The following SORCS1 variants were observed in gnomAD, a reference collection of about 807,000 sequenced individuals.
SORCS1 encodes sortilin related VPS10 domain containing receptor 1.
Under a neutral mutation model 146.1 loss-of-function variants are expected in SORCS1, and 60 were observed. The ratio of observed to expected loss-of-function variants is 0.41; its 90% CI spans 0.33 to 0.51. The LOEUF (loss-of-function observed/expected upper bound fraction) is 0.51. SORCS1 is among the 20% of genes least tolerant of loss of function. The probability of loss-of-function intolerance (pLI) is 0.21; values close to 1 mark genes in which losing one functional copy is unlikely to be tolerated. For synonymous variants in SORCS1, 637 were observed against 584.0 expected (o/e 1.09, Z -1.31); for missense variants, 1,352 against 1,487.6 (o/e 0.91, Z 1.50).
intron 2 of SORCS1, among the ~76,000 whole-genome samples, chr10:106,924,461 TTATCGATCTATCTATCTATC>T (rs1482081694): frequency 4.5e-4 from 56 of 125,698 alleles, no homozygotes; most frequent in African/African-American, 1.3e-3. Flanking sequence ...AATTCCACAG[TTATCGATCTATCTATCTATC>T]TATCTATCTA....
chr10:106,926,051 C>T (rs573890628), intron 2 of SORCS1, among the ~76,000 whole-genome samples: 7 of 152,236 alleles, frequency 4.6e-5, no homozygotes, highest in South Asian at 4.1e-4. Context: ...TGGCAAATCA[C>T]GAGGCTTATA....
intron 1 of SORCS1, among the ~76,000 whole-genome samples, chr10:106,963,944 G>A (rs1424719554): frequency 6.6e-6 from 1 of 152,190 alleles, no homozygotes; most frequent in Non-Finnish European, 1.5e-5. Flanking sequence ...TGAAGCAGGA[G>A]GGAAGTGTTT....
chr10:106,740,160 C>T (rs945150734), intron 5 of SORCS1, among the ~76,000 whole-genome samples: 13 of 152,104 alleles, frequency 8.5e-5, no homozygotes, highest in African/African-American at 3.1e-4. Flanking sequence ...ACAGTACTTA[C>T]ATACTAACTT....
At chr10:107,147,000 AGTT>A in intron 1 of SORCS1, among the ~76,000 whole-genome samples, 1 of 152,110 alleles carries the variant, frequency 6.6e-6, no homozygotes. Flanking sequence ...AGTAAGTATT[AGTT>A]ATTATTATAT....
intron 1 of SORCS1, among the ~76,000 whole-genome samples, chr10:106,963,673 G>C (rs556729959): frequency 6.6e-6 from 1 of 151,890 alleles, no homozygotes; most frequent in African/African-American, 2.4e-5. Flanking sequence ...TGAATCCTGG[G>C]GGGGGGCCAT....
chr10:107,103,007 T>A (rs988363963), intron 1 of SORCS1, among the ~76,000 whole-genome samples: 8 of 152,188 alleles, frequency 5.3e-5, no homozygotes. Context: ...TTTTTGCCTA[T>A]CTAATTCGTT....
intron 1 of SORCS1, among the ~76,000 whole-genome samples, chr10:106,975,395 T>C (rs777526742): frequency 2.6e-5 from 4 of 152,212 alleles, no homozygotes; most frequent in Non-Finnish European, 5.9e-5. Flanking sequence ...TTTAAAAAAC[T>C]GTGTTGGTGT....
Position 106,667,806 on chromosome 10 carries a change from T to C in SORCS1, c.2190-4A>G, listed in dbSNP as rs1851280412. The C allele has an allele frequency of 6.2e-7, 1 of 1,612,642 alleles. No homozygotes were observed. Among genetic ancestry groups the C allele is most frequent in the Non-Finnish European group, 8.5e-7 (1 of 1,179,212 alleles). On this transcript the variant is annotated splice_polypyrimidine_tract_variant and splice_region_variant and intron_variant, in intron 16 of 25. Coordinates refer to ENST00000263054, the MANE Select transcript of SORCS1 (RefSeq NM_052918.5). ...GTGTCGCTCATAACCATAGTCGCTG[T>C]TAGGAAAGAGCCGAGAAAAACCTTT...
chr10:106,648,918 A>G (rs1481219695), intron 18 of SORCS1, among the ~76,000 whole-genome samples: 1 of 151,982 alleles, frequency 6.6e-6, no homozygotes, highest in Non-Finnish European at 1.5e-5. Context: ...GCAGATGGAC[A>G]TGGAGAGGAA....
At chr10:106,790,644 T>C (rs754621682) in intron 3 of SORCS1, among the ~76,000 whole-genome samples, 5 of 152,198 alleles carry the variant, frequency 3.3e-5, no homozygotes, top group African/African-American at 7.2e-5. Flanking sequence ...CAAGCTTCAA[T>C]TGACCAGAAA....
chr10:106,807,186 G>A (rs1481213871), intron 3 of SORCS1, among the ~76,000 whole-genome samples: 6 of 151,814 alleles, frequency 4.0e-5, no homozygotes, highest in African/African-American at 1.5e-4. Context: ...AAGAAGGAAG[G>A]AAGGAAGGAG....
intron 1 of SORCS1, among the ~76,000 whole-genome samples, chr10:107,040,252 GT>G (rs572649869): frequency 6.6e-6 from 1 of 152,074 alleles, no homozygotes; most frequent in South Asian, 2.1e-4. Context: ...GGGTTTTGGG[GT>G]TTTTTTAGTT....
At chr10:106,827,789 C>A (rs2136990926) in intron 3 of SORCS1, among the ~76,000 whole-genome samples, 1 of 152,286 alleles carries the variant, frequency 6.6e-6, no homozygotes, top group South Asian at 2.1e-4. Flanking sequence ...GTGAGGTTGA[C>A]AGTATTGGTT....
At chr10:106,981,503 C>T (rs997251022) in intron 1 of SORCS1, among the ~76,000 whole-genome samples, 16 of 152,280 alleles carry the variant, frequency 1.1e-4, no homozygotes, top group African/African-American at 3.8e-4. Flanking sequence ...ATTTATTTAA[C>T]TCTAGGTAAA....
chr10:106,931,631 A>G (rs1373108300), intron 2 of SORCS1, among the ~76,000 whole-genome samples: 1 of 152,224 alleles, frequency 6.6e-6, no homozygotes, highest in Admixed American at 6.5e-5. Flanking sequence ...AGCCCCCTGC[A>G]GTTTTCAGAG....
At chr10:107,172,324 T>C in the SORCS1 span, among the ~76,000 whole-genome samples, 1 of 152,238 alleles carries the variant, frequency 6.6e-6, no homozygotes. Context: ...GCCTGCCATG[T>C]CCTGTGCCAT....
upstream of SORCS1, among the ~76,000 whole-genome samples, chr10:107,167,361 T>A (rs572486012): frequency 6.6e-6 from 1 of 152,320 alleles, no homozygotes; most frequent in Non-Finnish European, 1.5e-5. Flanking sequence ...CAATAGATTT[T>A]TATTAATATA....
intron 2 of SORCS1, among the ~76,000 whole-genome samples, chr10:106,918,937 A>G (rs548736757): frequency 6.6e-6 from 1 of 151,988 alleles, no homozygotes; most frequent in South Asian, 2.1e-4. Flanking sequence ...CCTGGGAGCA[A>G]GCAATCCTCC....
chr10:106,620,023 T>A, intron 20 of SORCS1: 1 of 155,038 alleles, frequency 6.5e-6, no homozygotes, highest in East Asian at 1.9e-4. Context: ...TTCACGTGGT[T>A]CCGAGGAGAC....
Sources: allele counts gnomAD v4.1 joint callset (sites outside exome capture counted in the v4.1 genomes callset), GRCh38; gene constraint gnomAD v4.1.1; transcripts MANE v1.5; gene names NCBI Gene and HGNC (gene_info 2026-07-23, HGNC 2026-07-21).